SLC10A7: variants seen among roughly 807,000 people sequenced by gnomAD.
The protein encoded by SLC10A7 is solute carrier family 10 member 7, also known as sodium/bile acid cotransporter 7.
Under a neutral mutation model 43.2 loss-of-function variants are expected in SLC10A7, and 29 were observed. The ratio of observed to expected loss-of-function variants is 0.67; its 90% CI spans 0.50 to 0.92. The LOEUF is 0.92. SLC10A7 is among the 40% of genes least tolerant of loss of function. The pLI is 0.00. For synonymous variants in SLC10A7, 152 were observed against 144.8 expected, an observed-to-expected ratio of 1.05 and a Z score of -0.35; for missense variants, 295 against 403.2, an observed-to-expected ratio of 0.73 and a Z score of 2.30.
intron 11 of SLC10A7, among the ~76,000 whole-genome samples, chr4:146,257,880 C>A (rs1560738861): frequency 6.6e-6 from 1 of 152,174 alleles, no homozygotes; most frequent in Non-Finnish European, 1.5e-5. Context: ...ATAGGTGGTA[C>A]TGTGGCCATC....
intron 5 of SLC10A7, among the ~76,000 whole-genome samples, chr4:146,386,327 G>A (rs2460033): frequency 0.012 from 1,764 of 152,164 alleles, 28 homozygotes; most frequent in African/African-American, 0.04. Flanking sequence ...CTTCTCTCAT[G>A]ATTAGTGATG....
chr4:146,297,051 T>C (rs781131026), intron 7 of SLC10A7, among the ~76,000 whole-genome samples: 10 of 152,128 alleles, frequency 6.6e-5, no homozygotes, highest in Non-Finnish European at 1.3e-4. Context: ...GAATTCTCTC[T>C]TGGGAAAAAA....
intron 5 of SLC10A7, among the ~76,000 whole-genome samples, chr4:146,436,219 T>C (rs751621881): frequency 6.6e-6 from 1 of 152,130 alleles, no homozygotes; most frequent in Non-Finnish European, 1.5e-5. Context: ...CCAGACAGCA[T>C]AGAACATTAT....
At chr4:146,429,636 A>T (rs1323758563) in intron 5 of SLC10A7, among the ~76,000 whole-genome samples, 1 of 152,196 alleles carries the variant, frequency 6.6e-6, no homozygotes, top group African/African-American at 2.4e-5. Context: ...GGGAGAGAAG[A>T]TCAGAATTTC....
intron 4 of SLC10A7, among the ~76,000 whole-genome samples, chr4:146,457,518 C>T (rs1732167021): frequency 6.6e-6 from 1 of 151,722 alleles, no homozygotes; most frequent in African/African-American, 2.4e-5. Flanking sequence ...CCCTCATCGC[C>T]CCAAAAAACA....
At chr4:146,478,612 G>C (rs985919975) in intron 4 of SLC10A7, among the ~76,000 whole-genome samples, 3 of 152,130 alleles carry the variant, frequency 2.0e-5, no homozygotes, top group African/African-American at 7.2e-5. Flanking sequence ...GATTTTAATT[G>C]TCAGCTGAAG....
At chr4:146,342,402 T>A (rs140050332) in intron 5 of SLC10A7, among the ~76,000 whole-genome samples, 1 of 151,686 alleles carries the variant, frequency 6.6e-6, no homozygotes, top group African/African-American at 2.4e-5. Flanking sequence ...AAAAAATTAC[T>A]TTTAATTTAT....
chr4:146,334,617 GT>G (rs1270321255), intron 5 of SLC10A7, among the ~76,000 whole-genome samples: 1 of 152,084 alleles, frequency 6.6e-6, no homozygotes, highest in African/African-American at 2.4e-5. Flanking sequence ...GCAAAAGGGG[GT>G]CACAGGAATA....
chr4:146,407,566 A>G (rs1178430258), intron 5 of SLC10A7, among the ~76,000 whole-genome samples: 1 of 152,208 alleles, frequency 6.6e-6, no homozygotes, highest in Non-Finnish European at 1.5e-5. Flanking sequence ...TTAAAGGGGG[A>G]AAAGGTGACT....
intron 10 of SLC10A7, among the ~76,000 whole-genome samples, chr4:146,279,674 C>T (rs189724962): frequency 1.2e-3 from 185 of 152,238 alleles, no homozygotes; most frequent in African/African-American, 4.0e-3. Flanking sequence ...TTAGATGAAG[C>T]ACAGTGATAG....
intron 4 of SLC10A7, among the ~76,000 whole-genome samples, chr4:146,461,410 A>C (rs537557031): frequency 2.4e-4 from 37 of 152,206 alleles, no homozygotes; most frequent in Middle Eastern, 3.4e-3. Context: ...ACCAGTGAGT[A>C]TGCTACAAAA....
At chr4:146,490,129 C>T (rs1405509810) in intron 4 of SLC10A7, among the ~76,000 whole-genome samples, 1 of 151,980 alleles carries the variant, frequency 6.6e-6, no homozygotes, top group African/African-American at 2.4e-5. Context: ...AATTATACTG[C>T]CAGTTCTCAT....
intron 5 of SLC10A7, among the ~76,000 whole-genome samples, chr4:146,383,204 T>TTTTTACAA: frequency 6.6e-6 from 1 of 152,106 alleles, no homozygotes; most frequent in Non-Finnish European, 1.5e-5. Flanking sequence ...ATTTACAAAA[T>TTTTTACAA]GATTATTTTG....
At chr4:146,451,231 CA>C (rs572993886) in intron 4 of SLC10A7, among the ~76,000 whole-genome samples, 146 of 71,688 alleles carry the variant, frequency 2.0e-3, no homozygotes, top group African/African-American at 3.1e-3. Context: ...AGTCTCCCAC[CA>C]AAAAAAAAAA....
At chr4:146,410,499 G>A (rs2630292) in intron 5 of SLC10A7, among the ~76,000 whole-genome samples, 1,588 of 152,178 alleles carry the variant, frequency 0.01, 20 homozygotes, top group African/African-American at 0.036. Flanking sequence ...GAGCCAGGCC[G>A]ACTGTTTTAA....
chr4:146,520,158 T>A (rs1033678481), intron 1 of SLC10A7, among the ~76,000 whole-genome samples: 1 of 152,240 alleles, frequency 6.6e-6, no homozygotes, highest in Admixed American at 6.5e-5. Context: ...TGTAATTTCA[T>A]CTCAAAACTG....
chr4:146,369,711 T>C (rs940915261), intron 5 of SLC10A7, among the ~76,000 whole-genome samples: 3 of 152,202 alleles, frequency 2.0e-5, no homozygotes, highest in African/African-American at 7.2e-5. Context: ...GAATGCTTTA[T>C]TCCATAACAT....
chr4:146,410,721 C>G lies in SLC10A7; in HGVS notation c.435+32062G>C, dbSNP rs192854102. 9.2e-4 allele frequency among the ~76,000 whole-genome samples: 140 copies of G among 152,218 alleles called. 1 individual carries two copies. In the South Asian group the frequency reaches 0.014, roughly 15 times the overall value. On this transcript the variant is annotated intron_variant, in intron 5 of 11. Coordinates refer to ENST00000335472, the MANE Select transcript of SLC10A7 (RefSeq NM_001029998.6). Reference sequence around the variant, plus strand: ...GAGCCAAAAGAAAAATATTTTAAACCTACACACTTGTACATTGAGTCAAAA... The same window carrying G: ...GAGCCAAAAGAAAAATATTTTAAACGTACACACTTGTACATTGAGTCAAAA...
chr4:146,285,004 T>C (rs1729797689), intron 9 of SLC10A7, among the ~76,000 whole-genome samples: 1 of 152,146 alleles, frequency 6.6e-6, no homozygotes, highest in Non-Finnish European at 1.5e-5. Context: ...AAAATAACAA[T>C]TGAGCTGAGC....
Sources: gnomAD v4.1 joint callset for allele counts (sites outside exome capture counted in the v4.1 genomes callset) on GRCh38, gnomAD v4.1.1 for gene constraint, MANE v1.5 for transcripts, NCBI Gene and HGNC (gene_info 2026-07-23, HGNC 2026-07-21) for gene names.